Variants in PDZRN4 observed in about 807,000 individuals in gnomAD.
The protein encoded by PDZRN4 is PDZ domain containing ring finger 4, also known as PDZ domain-containing RING finger protein 4.
In PDZRN4, 70 loss-of-function variants were observed where a neutral mutation model predicts 99.0. That is an observed-to-expected ratio of 0.71 (90% CI 0.58 to 0.86). PDZRN4 has a LOEUF of 0.86. Ranked by LOEUF, PDZRN4 falls within the 40% of genes least tolerant of loss-of-function variation. The probability of loss-of-function intolerance (pLI) is 0.00; values close to 1 mark genes in which losing one functional copy is unlikely to be tolerated. For synonymous variants in PDZRN4, 551 were observed against 501.6 expected (o/e 1.10, Z -1.32); for missense variants, 1,474 against 1,331.2 (o/e 1.11, Z -1.67).
chr12:41,235,965 T>TA (rs1951064175), intron 3 of PDZRN4, among the ~76,000 whole-genome samples: 1 of 152,212 alleles, frequency 6.6e-6, no homozygotes, highest in Non-Finnish European at 1.5e-5. Flanking sequence ...TTTAACTGTG[T>TA]AAGTTAGTAA....
chr12:41,398,376 A>G (rs1405569391), intron 3 of PDZRN4, among the ~76,000 whole-genome samples: 20 of 151,980 alleles, frequency 1.3e-4, no homozygotes, highest in Admixed American at 1.2e-3. Flanking sequence ...GACAAAGTGT[A>G]GATGAAGTCA....
At chr12:41,529,236 T>A (rs2120733925) in intron 5 of PDZRN4, among the ~76,000 whole-genome samples, 1 of 152,190 alleles carries the variant, frequency 6.6e-6, no homozygotes, top group Middle Eastern at 3.4e-3. Flanking sequence ...TGTTTGTGTG[T>A]GTGTGTGTGA....
intron 3 of PDZRN4, among the ~76,000 whole-genome samples, chr12:41,227,949 A>C (rs2120743782): frequency 6.6e-6 from 1 of 151,908 alleles, no homozygotes; most frequent in Non-Finnish European, 1.5e-5. Context: ...ATATTACCAT[A>C]CTCTAAAAAT....
rs71081724 is a variant in PDZRN4 at position 41,322,487 on chromosome 12, CTTTTTTTTT to C, written c.843+128312_843+128320del. ...ACTTTGGAAATTTAGATTTTCTTTC[CTTTTTTTTT>C]TTTTTTTTTTTTGAGACAGAGTCTC... is the stretch of plus-strand genomic sequence containing the variant. On this transcript the variant is annotated intron_variant, in intron 3 of 9. Coordinates refer to ENST00000402685, the MANE Select transcript of PDZRN4 (RefSeq NM_001164595.2). 2.6e-4 allele frequency among the ~76,000 whole-genome samples: 24 copies of C among 91,222 alleles called. 1 individual carries two copies. Among genetic ancestry groups the C allele is most frequent in the Non-Finnish European group, 3.7e-4 (19 of 51,302 alleles). The allele number at this position is 91,222 out of a possible 152,430, so 59.8% of individuals were successfully genotyped here. A position where few individuals can be genotyped will look rare whatever the true frequency, so the allele number is the denominator to read the frequency against.
chr12:41,499,084 G>A (rs762311009), intron 3 of PDZRN4, among the ~76,000 whole-genome samples: 10 of 152,066 alleles, frequency 6.6e-5, no homozygotes, highest in South Asian at 4.1e-4. Flanking sequence ...AGAGAGAGAC[G>A]TTCTTACTAC....
intron 3 of PDZRN4, among the ~76,000 whole-genome samples, chr12:41,319,310 G>A (rs1010102804): frequency 8.5e-5 from 13 of 152,124 alleles, no homozygotes; most frequent in Non-Finnish European, 4.4e-5. Context: ...CTGTAATGAT[G>A]AATGCCCTGG....
chr12:41,534,850 A>T (rs970343529), intron 5 of PDZRN4, among the ~76,000 whole-genome samples: 3 of 152,186 alleles, frequency 2.0e-5, no homozygotes, highest in Non-Finnish European at 4.4e-5. Context: ...GTGGATTAGC[A>T]CTTTTCATCA....
intron 3 of PDZRN4, among the ~76,000 whole-genome samples, chr12:41,478,241 G>T (rs539564943): frequency 6.6e-6 from 1 of 151,886 alleles, no homozygotes; most frequent in Non-Finnish European, 1.5e-5. Context: ...TCAGCCTCCC[G>T]AGTAGCTGGG....
intron 3 of PDZRN4, among the ~76,000 whole-genome samples, chr12:41,439,181 C>T (rs1952656316): frequency 6.6e-6 from 1 of 152,146 alleles, no homozygotes; most frequent in Non-Finnish European, 1.5e-5. Flanking sequence ...AAAATGACTG[C>T]TTTATCACCA....
At chr12:41,438,467 AT>A (rs1334037871) in intron 3 of PDZRN4, among the ~76,000 whole-genome samples, 1 of 152,212 alleles carries the variant, frequency 6.6e-6, no homozygotes, top group Non-Finnish European at 1.5e-5. Context: ...TATTGGATGA[AT>A]TGAGAATTTG....
At chr12:41,241,808 G>A (rs1951103705) in intron 3 of PDZRN4, among the ~76,000 whole-genome samples, 1 of 152,128 alleles carries the variant, frequency 6.6e-6, no homozygotes, top group Non-Finnish European at 1.5e-5. Context: ...AGCCTAGATT[G>A]TTTATAGTGT....
At chr12:41,496,947 T>C (rs1482158165) in intron 3 of PDZRN4, among the ~76,000 whole-genome samples, 1 of 152,148 alleles carries the variant, frequency 6.6e-6, no homozygotes, top group African/African-American at 2.4e-5. Context: ...TAGGGTATAA[T>C]GAACCTCTGG....
chr12:41,491,728 A>T (rs568325849), intron 3 of PDZRN4, among the ~76,000 whole-genome samples: 28 of 152,060 alleles, frequency 1.8e-4, no homozygotes, highest in Admixed American at 1.8e-3. Context: ...TAATAGTTTT[A>T]TTGTCATTGG....
chr12:41,359,667 A>G (rs1360427773), intron 3 of PDZRN4, among the ~76,000 whole-genome samples: 1 of 151,696 alleles, frequency 6.6e-6, no homozygotes, highest in Non-Finnish European at 1.5e-5. Flanking sequence ...CTGTCTCCAT[A>G]TATGACGTGG....
intron 3 of PDZRN4, among the ~76,000 whole-genome samples, chr12:41,336,131 C>T (rs1436405498): frequency 6.6e-6 from 1 of 152,068 alleles, no homozygotes; most frequent in South Asian, 2.1e-4. Flanking sequence ...ATCCATTATC[C>T]TTACTATTCA....
intron 3 of PDZRN4, among the ~76,000 whole-genome samples, chr12:41,197,918 G>GTTTTTTTTTTTTTTTTT (rs1491129322): frequency 2.6e-5 from 3 of 114,576 alleles, no homozygotes; most frequent in East Asian, 2.6e-4. Flanking sequence ...TGTTTTTTCT[G>GTTTTTTTTTTTTTTTTT]GGTTTTTTTT....
intron 3 of PDZRN4, among the ~76,000 whole-genome samples, chr12:41,470,732 A>C (rs1952980866): frequency 6.6e-6 from 1 of 151,576 alleles, no homozygotes. Flanking sequence ...ATTCCCACCC[A>C]CTTCTTAAAA....
intron 3 of PDZRN4, among the ~76,000 whole-genome samples, chr12:41,226,656 T>C (rs1950997209): frequency 6.6e-6 from 1 of 152,100 alleles, no homozygotes; most frequent in South Asian, 2.1e-4. Context: ...TATAAAACAG[T>C]GAAGGTCATA....
intron 3 of PDZRN4, among the ~76,000 whole-genome samples, chr12:41,494,212 C>T (rs902338247): frequency 6.6e-6 from 1 of 151,980 alleles, no homozygotes; most frequent in Non-Finnish European, 1.5e-5. Context: ...ATAAACTTCC[C>T]ATCAATCATC....
Sources: allele counts gnomAD v4.1 joint callset (sites outside exome capture counted in the v4.1 genomes callset), GRCh38; gene constraint gnomAD v4.1.1; transcripts MANE v1.5; gene names NCBI Gene and HGNC (gene_info 2026-07-23, HGNC 2026-07-21).